Variants in ZNF225 observed in about 807,000 individuals in gnomAD.
The protein encoded by ZNF225 is zinc finger protein 225.
ZNF225 carries 6 observed loss-of-function variants against 12.0 expected under a neutral mutation model. The ratio of observed to expected loss-of-function variants is 0.50; its 90% CI spans 0.27 to 0.98. The LOEUF (loss-of-function observed/expected upper bound fraction) is 0.98, where lower values mean the gene tolerates loss of function less well. Ranked by LOEUF, ZNF225 falls within the 50% of genes least tolerant of loss-of-function variation. The pLI, the probability that ZNF225 is intolerant of heterozygous loss-of-function variation, is 0.11. For missense variants in ZNF225, 763 were observed against 848.2 expected (o/e 0.90, Z 1.25); for synonymous variants, 271 against 283.2 (o/e 0.96, Z 0.43).
At chr19:44,117,783 C>A (rs1277134074) in intron 2 of ZNF225, among the ~76,000 whole-genome samples, 1 of 152,152 alleles carries the variant, frequency 6.6e-6, no homozygotes, top group East Asian at 1.9e-4. Flanking sequence ...CTTTGGGAGG[C>A]CGAGGCAGGC....
chr19:44,118,695 C>T, intron 4 of ZNF225, 121 bp downstream of exon 4: 1 of 1,018,602 alleles, frequency 9.8e-7, no homozygotes, highest in Non-Finnish European at 1.4e-6. Context: ...ATTATTACAG[C>T]TGACTTTCGG....
chr19:44,111,963 C>T (rs968443871), upstream of ZNF225: 2 of 152,066 alleles, frequency 1.3e-5, no homozygotes, highest in African/African-American at 4.8e-5. Flanking sequence ...AGTTTAGGAG[C>T]GGAGGTTTAA....
rs1391115024 is a variant in ZNF225 at position 44,132,377 on chromosome 19, G to C, written c.1763G>C (p.Arg588Thr). 1 of 1,614,146 alleles carries C rather than the reference G, an allele frequency of 6.2e-7. No individual in the cohort carries two copies. The highest frequency in any genetic ancestry group is 8.5e-7 in the Non-Finnish European group (1 of 1,180,016). ...GCCTCAAGTATTTTGAATCATAAGA[G>C]ACTCCATGGTGATGAAAAGCCATTC... ...SRASSILNHK[R>T]LHGDEKPFKC... Residue 588 changes from arginine to threonine, a missense_variant, in exon 5 of 5, where the codon AGA (arginine) becomes ACA (threonine). Coordinates refer to ENST00000262894, the MANE Select transcript of ZNF225 (RefSeq NM_013362.4).
chr19:44,118,183 T>C lies in ZNF225; in HGVS notation c.16-5T>C, dbSNP rs1174530823. ...GACTGAGGTTGCATATGTTCGATGC[T>C]GTAGGAGGCAGTGACCTTCAAGGAC... On this transcript the variant is annotated splice_region_variant and splice_polypyrimidine_tract_variant and intron_variant, in intron 2 of 4. Transcript: ENST00000262894. 6.2e-7 allele frequency: 1 copy of C among 1,610,826 alleles called. No individual in the cohort carries two copies. The highest frequency in any genetic ancestry group is 2.2e-5 in the East Asian group (1 of 44,846).
rs1224836880 is a variant in ZNF225, at chr19:44,133,175, T to A, written c.*440T>A. 1 of 157,716 alleles carries A rather than the reference T, an allele frequency of 6.3e-6. No individual in the cohort carries two copies. Among genetic ancestry groups the A allele is most frequent in the Non-Finnish European group, 1.4e-5 (1 of 71,382 alleles). The allele number at this position is 157,716 out of a possible 1,614,324, so 9.8% of individuals were successfully genotyped here. A position where few individuals can be genotyped will look rare whatever the true frequency, so the allele number is the denominator to read the frequency against. On this transcript the variant is annotated 3_prime_UTR_variant, in exon 5 of 5. Transcript: ENST00000262894. ...TTTGCTGTGAGTGATAGAATTTTGT[T>A]GTTTTTCATGGCTAAATAGTACTCT...
chr19:44,119,892 T>G (rs1339428835), intron 4 of ZNF225, among the ~76,000 whole-genome samples: 1 of 152,130 alleles, frequency 6.6e-6, no homozygotes, highest in Non-Finnish European at 1.5e-5. Flanking sequence ...TCTGTTCAGT[T>G]TTAGAGAGGC....
At chr19:44,129,207 AT>A (rs1288823518) in intron 4 of ZNF225, 4 of 849,752 alleles carry the variant, frequency 4.7e-6, no homozygotes, top group Non-Finnish European at 4.7e-6. Context: ...ACTCCTAGGT[AT>A]TTGATATTTA....
chr19:44,115,206 G>A (rs1186631193), intron 1 of ZNF225, among the ~76,000 whole-genome samples: 1 of 152,016 alleles, frequency 6.6e-6, no homozygotes, highest in Non-Finnish European at 1.5e-5. Context: ...TTATTGAGGT[G>A]TATTCTACAT....
chr19:44,122,631 A>G (rs1968076501), intron 4 of ZNF225, among the ~76,000 whole-genome samples: 1 of 152,194 alleles, frequency 6.6e-6, no homozygotes, highest in Non-Finnish European at 1.5e-5. Flanking sequence ...ATCCATGAGC[A>G]TGAGATGTGT....
chr19:44,117,285 G>A (rs967672517), intron 2 of ZNF225, among the ~76,000 whole-genome samples: 7 of 152,332 alleles, frequency 4.6e-5, no homozygotes, highest in Middle Eastern at 3.4e-3. Context: ...GGAAGGCACA[G>A]AGCCTTGGGA....
In ZNF225 at chr19:44,125,347, G is replaced by A. The variant is rs961512211; in HGVS notation, c.236-5503G>A. Among the ~76,000 whole-genome samples, 10 of 152,182 alleles carry A rather than the reference G, an allele frequency of 6.6e-5. No homozygotes were observed. In the East Asian group the frequency reaches 1.9e-3, roughly 29 times the overall value. The stretch of plus-strand genomic sequence containing the variant: ...GGCTGATAATTGTTTTGTTTAAGGA[G>A]GCTGAAGATAGGGCCCCAATCTCTT... On this transcript the variant is annotated intron_variant, in intron 4 of 4. Transcript: ENST00000262894.
At chr19:44,114,090 A>G in intron 1 of ZNF225, 1 of 496,184 alleles carries the variant, frequency 2.0e-6, no homozygotes, top group Non-Finnish European at 3.5e-6. Flanking sequence ...GGAGAGGAGC[A>G]TTTAACTTTT....
chr19:44,111,480 T>A (rs770660022), upstream of ZNF225, among the ~76,000 whole-genome samples: 10 of 152,142 alleles, frequency 6.6e-5, no homozygotes, highest in Non-Finnish European at 1.3e-4. Flanking sequence ...AAGCTGGTAA[T>A]GAAACAAATA....
chr19:44,132,011 G>A lies in ZNF225; in HGVS notation c.1397G>A (p.Gly466Asp). ...YNCKECGKSF[G>D]WASCLLNHQR... ...TGTAAGGAATGTGGGAAGAGCTTTG[G>A]CTGGGCCTCGTGTCTTTTGAATCAT... Residue 466 changes from glycine (G) to aspartate (D), a missense_variant, in exon 5 of 5, where the codon GGC becomes GAC. Transcript: ENST00000262894. 1 of 1,613,920 alleles carries A rather than the reference G, an allele frequency of 6.2e-7. No homozygotes were observed. Among genetic ancestry groups the A allele is most frequent in the Non-Finnish European group, 8.5e-7 (1 of 1,179,968 alleles).
At chr19:44,129,933 C>G (rs9304638) in intron 4 of ZNF225, 1 of 152,102 alleles carries the variant, frequency 6.6e-6, no homozygotes, top group Non-Finnish European at 1.5e-5. Context: ...AAAGTTTTGA[C>G]GATGTTATGG....
chr19:44,118,288 A>G lies in ZNF225; in HGVS notation c.116A>G (p.Glu39Gly), dbSNP rs1210834534. The change falls in exon 3 of 5, where the codon GAG (glutamate) becomes GGG (glycine). Residue 39 changes from glutamate to glycine, a missense_variant. By Grantham distance (98) the Glu-to-Gly change is moderately conservative. Transcript: ENST00000262894. Reference protein sequence around the residue: ...QRKLYREVMLENFRNLLSVGH... With the variant: ...QRKLYREVMLGNFRNLLSVGH... Reference sequence around the variant, plus strand: ...AAACTGTACCGAGAAGTGATGCTGGAGAACTTCAGGAACCTGCTCTCAGTG... The same window carrying G: ...AAACTGTACCGAGAAGTGATGCTGGGGAACTTCAGGAACCTGCTCTCAGTG... 6.2e-7 allele frequency: 1 copy of G among 1,613,208 alleles called. No homozygotes were observed. The highest frequency in any genetic ancestry group is 1.7e-5 in the Admixed American group (1 of 59,816).
chr19:44,121,277 A>G (rs577726060), intron 4 of ZNF225, among the ~76,000 whole-genome samples: 1 of 152,212 alleles, frequency 6.6e-6, no homozygotes, highest in African/African-American at 2.4e-5. Flanking sequence ...TACTTCACTT[A>G]GAATAATAGT....
At chr19:44,113,834 C>T (rs1179053395) in intron 1 of ZNF225, among the ~76,000 whole-genome samples, 1 of 152,160 alleles carries the variant, frequency 6.6e-6, no homozygotes, top group Non-Finnish European at 1.5e-5. Flanking sequence ...TAGGACCATC[C>T]TAATAGAATC....
At chr19:44,118,119 G>C (rs1387306460) in intron 2 of ZNF225, 69 bp from the exon 3 acceptor site, 1 of 1,538,974 alleles carries the variant, frequency 6.5e-7, no homozygotes, top group South Asian at 1.3e-5. Context: ...CCCTCTGTCT[G>C]CTCAGTGCCA....
Sources: allele counts gnomAD v4.1 joint callset (sites outside exome capture counted in the v4.1 genomes callset), GRCh38; gene constraint gnomAD v4.1.1; transcripts MANE v1.5; gene names NCBI Gene and HGNC (gene_info 2026-07-23, HGNC 2026-07-21).